OTUD4: variants seen among roughly 807,000 people sequenced by gnomAD.
OTUD4 encodes OTU domain-containing protein 4.
OTUD4 carries 24 observed loss-of-function variants against 130.4 expected under a neutral mutation model. The ratio of observed to expected loss-of-function variants is 0.18; its 90% CI spans 0.13 to 0.26. The LOEUF is 0.26. Among genes scored for constraint, OTUD4 ranks in the 10% least tolerant of loss-of-function variants. OTUD4 has a pLI of 1.00. For missense variants in OTUD4, 1,031 were observed against 1,329.4 expected (o/e 0.78, Z 3.49); for synonymous variants, 420 against 472.5 (o/e 0.89, Z 1.44).
rs1449775411 is a variant in OTUD4, at chr4:145,150,877, G to C, written c.997C>G (p.Pro333Ala). 10 of 1,613,636 alleles carry C rather than the reference G, an allele frequency of 6.2e-6. No individual in the cohort carries two copies. Among genetic ancestry groups the C allele is most frequent in the South Asian group, 1.1e-5 (1 of 90,990 alleles). ...KHTSKNLKAP[P>A]PESWNTVSGK... ...GACACTGTGTTCCAGCTTTCTGGGGGAGGTGCCTTGAGGTTCTTTGATGTG... is the reference window on the plus strand; with the variant it reads ...GACACTGTGTTCCAGCTTTCTGGGGCAGGTGCCTTGAGGTTCTTTGATGTG... The change falls in exon 12 of 21, where the codon CCC (proline) becomes GCC (alanine). Residue 333 changes from proline (P) to alanine (A), a missense_variant. Pro to Ala is a conservative substitution (Grantham distance 27, BLOSUM62 -1). Coordinates refer to ENST00000447906, the MANE Select transcript of OTUD4 (RefSeq NM_001366057.1).
intron 19 of OTUD4, among the ~76,000 whole-genome samples, chr4:145,140,742 A>G (rs1013870755): frequency 1.3e-5 from 2 of 152,138 alleles, no homozygotes; most frequent in Non-Finnish European, 2.9e-5. Context: ...AAAGCTCCAC[A>G]GTGTTTAGGT....
At chr4:145,173,920 AAATTAAAAACC>A (rs1752297385) in intron 2 of OTUD4, among the ~76,000 whole-genome samples, 1 of 152,212 alleles carries the variant, frequency 6.6e-6, no homozygotes, top group Non-Finnish European at 1.5e-5. Flanking sequence ...TGAACCCTGA[AAATTAAAAACC>A]TATGAATGCC....
intron 20 of OTUD4, 112 bp from the exon 21 acceptor site, chr4:145,138,762 A>G: frequency 4.7e-6 from 4 of 844,902 alleles, no homozygotes; most frequent in Middle Eastern, 3.3e-4. Flanking sequence ...GCCTACAAAG[A>G]CCATATAATC....
At chr4:145,165,081 T>C in intron 4 of OTUD4, 70 bp downstream of exon 4, 1 of 869,870 alleles carries the variant, frequency 1.1e-6, no homozygotes, top group Admixed American at 2.4e-5. Context: ...TATTTTAACA[T>C]TTTTAATATA....
chr4:145,170,679 A>G (rs865969635), intron 3 of OTUD4: 1 of 152,148 alleles, frequency 6.6e-6, no homozygotes, highest in African/African-American at 2.4e-5. Context: ...CAAGCACTCA[A>G]ATTAGTGTTA....
At chr4:145,171,632 A>T (rs1182788009) in intron 3 of OTUD4, 38 bp downstream of exon 3, 1 of 859,146 alleles carries the variant, frequency 1.2e-6, no homozygotes, top group Non-Finnish European at 2.0e-6. Context: ...TTATTTGGAT[A>T]TATAAAAATA....
chr4:145,160,324 A>T (rs1751495282), intron 6 of OTUD4, among the ~76,000 whole-genome samples: 2 of 152,224 alleles, frequency 1.3e-5, no homozygotes, highest in Non-Finnish European at 2.9e-5. Flanking sequence ...GCTGTTACAA[A>T]ATATATTCTC....
rs1421609698 is a variant in OTUD4, at chr4:145,135,127, TA to T, written c.*2302del. On this transcript the variant is annotated 3_prime_UTR_variant, in exon 21 of 21. Coordinates refer to ENST00000447906, the MANE Select transcript of OTUD4 (RefSeq NM_001366057.1). ...CCAACCTTCATGCAAAGATTAATTT[TA>T]AAACTATCAAAAGTCAGTTCTTTTA... The T allele has an allele frequency of 3.1e-6, 1 of 324,556 alleles. No homozygotes were observed. Among genetic ancestry groups the T allele is most frequent in the Non-Finnish European group, 5.5e-6 (1 of 180,654 alleles). The allele number at this position is 324,556 out of a possible 1,614,324, so 20.1% of individuals were successfully genotyped here. A position where few individuals can be genotyped will look rare whatever the true frequency, so the allele number is the denominator to read the frequency against.
rs1579247667 is a variant in OTUD4, at chr4:145,144,424, A to G, written c.1433T>C (p.Val478Ala). ...QAFPALSSSS[V>A]NQSASQSSNP... ...GCTACTCTGAGAAGCTGACTGATTG[A>G]CTGATGAGCTCTTTAAAATGAACAA... is the stretch of plus-strand genomic sequence containing the variant. Residue 478 changes from valine to alanine, a missense_variant, in exon 15 of 21, where the codon GTC becomes GCC. By Grantham distance (64) the Val-to-Ala change is moderately conservative (BLOSUM62 0). This residue lies in a region of OTUD4 where 900 missense variants were observed against 1,095.9 expected (regional missense o/e 0.82). Transcript: ENST00000447906. 1.9e-6 allele frequency: 3 copies of G among 1,610,932 alleles called. No homozygotes were observed. Among genetic ancestry groups the G allele is most frequent in the East Asian group, 4.5e-5 (2 of 44,782 alleles).
At chr4:145,175,365 A>T (rs1423705304) in intron 1 of OTUD4, among the ~76,000 whole-genome samples, 3 of 152,170 alleles carry the variant, frequency 2.0e-5, no homozygotes, top group Non-Finnish European at 4.4e-5. Context: ...GTATCATCCC[A>T]AGAGGTTTGG....
At chr4:145,157,841 T>C (rs1261631680) in intron 7 of OTUD4, among the ~76,000 whole-genome samples, 1 of 152,210 alleles carries the variant, frequency 6.6e-6, no homozygotes, top group South Asian at 2.1e-4. Flanking sequence ...CTTCTCCAGC[T>C]TACTAGCCCC....
In OTUD4 at chr4:145,138,413, G is replaced by A; in HGVS notation, c.2362C>T (p.Pro788Ser). 2 of 1,614,166 alleles carry A rather than the reference G, an allele frequency of 1.2e-6. No homozygotes were observed. Among genetic ancestry groups the A allele is most frequent in the Non-Finnish European group, 1.7e-6 (2 of 1,180,038 alleles). The change falls in exon 21 of 21, where the codon CCG (proline) becomes TCG (serine). Residue 788 changes from proline (P) to serine (S), a missense_variant. Coordinates refer to ENST00000447906, the MANE Select transcript of OTUD4 (RefSeq NM_001366057.1). ...GQMPQPEIGP[P>S]TFSSPLVIPP... The stretch of plus-strand genomic sequence containing the variant: ...ATAACCAGAGGTGAAGAAAATGTCG[G>A]CGGTCCAATCTCTGGCTGTGGCATT...
chr4:145,172,300 G>T (rs1752208590), intron 2 of OTUD4, among the ~76,000 whole-genome samples: 1 of 152,206 alleles, frequency 6.6e-6, no homozygotes, highest in African/African-American at 2.4e-5. Flanking sequence ...ATAAAACAAA[G>T]ACTGACTTAC....
At chr4:145,154,459 T>C (rs937857815) in intron 10 of OTUD4, among the ~76,000 whole-genome samples, 1 of 152,218 alleles carries the variant, frequency 6.6e-6, no homozygotes, top group African/African-American at 2.4e-5. Context: ...TGTTTGCCAG[T>C]GGCTGTTTTA....
Position 145,179,830 on chromosome 4 carries a change from C to A in OTUD4, c.144G>T (p.Arg48=), listed in dbSNP as rs2126820631. ...LVAKDGSCLF[R]AVAEQVLHSQ... ...CCGCAATTACCTGCTCCGCCACGGC[C>A]CGGAACAGGCACGACCCGTCCTTGG... The change falls in exon 1 of 21, where the codon CGG becomes CGT. Residue 48 remains arginine (R), a synonymous_variant. Coordinates refer to ENST00000447906, the MANE Select transcript of OTUD4 (RefSeq NM_001366057.1). 6.6e-7 allele frequency: 1 copy of A among 1,519,842 alleles called. No homozygotes were observed. The highest frequency in any genetic ancestry group is 1.4e-5 in the African/African-American group (1 of 70,448). The allele number at this position is 1,519,842 out of a possible 1,614,324, so 94.1% of individuals were successfully genotyped here.
At position 145,144,190 on chromosome 4, in the gene OTUD4, A is replaced by G. The variant is rs1284964928; in HGVS notation, c.1546+121T>C. ...TCAATACTTCTCTGCAACATTCAAAATATGTGACATTAGATAAACTACTTA... is the reference window on the plus strand; with the variant it reads ...TCAATACTTCTCTGCAACATTCAAAGTATGTGACATTAGATAAACTACTTA... On this transcript the variant is annotated intron_variant, in intron 15 of 20. Coordinates refer to ENST00000447906, the MANE Select transcript of OTUD4 (RefSeq NM_001366057.1). 3 of 1,176,372 alleles carry G rather than the reference A, an allele frequency of 2.6e-6. No homozygotes were observed. The African/African-American group carries it at 4.6e-5, about 18-fold the overall frequency. 72.9% of individuals were successfully genotyped at this position (1,176,372 alleles called of 1,614,324 possible). A position where few individuals can be genotyped will look rare whatever the true frequency, so the allele number is the denominator to read the frequency against.
intron 13 of OTUD4, among the ~76,000 whole-genome samples, chr4:145,148,985 G>C (rs564097004): frequency 1.0e-3 from 152 of 152,280 alleles, no homozygotes; most frequent in African/African-American, 3.4e-3. Flanking sequence ...TAACGGATTA[G>C]AATCATTAGT....
chr4:145,161,339 G>A (rs912050404), intron 6 of OTUD4, among the ~76,000 whole-genome samples: 1 of 152,166 alleles, frequency 6.6e-6, no homozygotes, highest in Non-Finnish European at 1.5e-5. Context: ...AGCTAGGAGG[G>A]AGAAGACACA....
At chr4:145,150,766 C>CA (rs1258443882) in intron 12 of OTUD4, 36 bp downstream of exon 12, 1 of 1,607,192 alleles carries the variant, frequency 6.2e-7, no homozygotes, top group African/African-American at 1.3e-5. Context: ...ACCATCATCC[C>CA]AATCCCAAAG....
Sources: gnomAD v4.1 joint callset for allele counts (sites outside exome capture counted in the v4.1 genomes callset) on GRCh38, gnomAD v4.1.1 for gene constraint, gnomAD v4.1.1 regional missense constraint, MANE v1.5 for transcripts, NCBI Gene and HGNC (gene_info 2026-07-23, HGNC 2026-07-21) for gene names.